The following TRMT11 variants were observed in gnomAD, a reference collection of about 807,000 sequenced individuals.
TRMT11 encodes the protein tRNA (guanine(10)-N(2))-methyltransferase TRMT11.
In TRMT11, 53 loss-of-function variants were observed where a neutral mutation model predicts 62.8. That is an observed-to-expected ratio of 0.84 (90% confidence interval 0.68 to 1.06). The LOEUF (loss-of-function observed/expected upper bound fraction) is 1.06, where lower values mean the gene tolerates loss of function less well. Ranked by LOEUF, TRMT11 falls within the 50% of genes least tolerant of loss-of-function variation. TRMT11 has a pLI of 0.00. For synonymous variants in TRMT11, 188 were observed against 190.3 expected, an observed-to-expected ratio of 0.99 and a Z score of 0.10; for missense variants, 556 against 553.4, an observed-to-expected ratio of 1.00 and a Z score of -0.05.
At chr6:126,260,187 C>T in the TRMT11 span, among the ~76,000 whole-genome samples, 32,373 of 152,016 alleles carry the variant, frequency 0.21, 4,444 homozygotes, top group East Asian at 0.53. Flanking sequence ...GTGAAGCTTT[C>T]TCCTTCCTCT....
chr6:126,101,818 C>A (rs1777405308), intron 17 of TRMT11, among the ~76,000 whole-genome samples: 1 of 152,214 alleles, frequency 6.6e-6, no homozygotes, highest in Admixed American at 6.5e-5. Flanking sequence ...TCCCTCCATA[C>A]CTTTCAACAT....
At chr6:126,121,180 A>G (rs1204068678) in intron 21 of TRMT11, among the ~76,000 whole-genome samples, 1 of 152,000 alleles carries the variant, frequency 6.6e-6, no homozygotes, top group Admixed American at 6.6e-5. Flanking sequence ...GCCTTACTCA[A>G]CTTTGTATTC....
intron 17 of TRMT11, among the ~76,000 whole-genome samples, chr6:126,108,829 A>C (rs1777494402): frequency 6.6e-6 from 1 of 152,174 alleles, no homozygotes; most frequent in Admixed American, 6.5e-5. Flanking sequence ...TTGGCTTCTC[A>C]GGTGCCTTGC....
At position 126,012,973 on chromosome 6, in the gene TRMT11, A is replaced by G; in HGVS notation, c.1011A>G (p.Pro337=). The change falls in exon 11 of 13, where the codon CCA becomes CCG. Residue 337 remains proline, a synonymous_variant. Transcript: ENST00000334379. ...AAATTTTCTTTTCTTTGTGTAGTCC[A>G]GAAAGCCATGTTCCTGTTTCCTTGA... ...PKGIEKWEKC[P]ESHVPVSLSY... The G allele has an allele frequency of 6.2e-7, 1 of 1,611,898 alleles. No homozygotes were observed. The highest frequency in any genetic ancestry group is 8.5e-7 in the Non-Finnish European group (1 of 1,178,726).
chr6:126,174,570 A>G (rs183039510), upstream of TRMT11, among the ~76,000 whole-genome samples: 6 of 152,250 alleles, frequency 3.9e-5, no homozygotes, highest in African/African-American at 4.8e-5. Context: ...CACAAAAAAC[A>G]AACAGAGGTG....
rs1562321373 is a variant in TRMT11, at chr6:126,093,612, TA to T, written c.*1438-19253del. On this transcript the variant is annotated intron_variant and NMD_transcript_variant, in intron 17 of 22. Coordinates refer to the TRMT11 transcript ENST00000648977. Reference sequence around the variant, plus strand: ...ATATATATATATATATATATATATATATATATATATATATATATATTTTCCC... The same window carrying T: ...ATATATATATATATATATATATATATTATATATATATATATATATTTTCCC... 2.7e-3 allele frequency among the ~76,000 whole-genome samples: 256 copies of T among 93,948 alleles called. 29 individuals are homozygous for T. Among genetic ancestry groups the T allele is most frequent in the African/African-American group, 0.016 (249 of 15,622 alleles). 61.6% of individuals were successfully genotyped at this position (93,948 alleles called of 152,430 possible). A position where few individuals can be genotyped will look rare whatever the true frequency, so the allele number is the denominator to read the frequency against.
chr6:126,077,103 T>G (rs1777045722), intron 17 of TRMT11, among the ~76,000 whole-genome samples: 1 of 152,174 alleles, frequency 6.6e-6, no homozygotes, highest in South Asian at 2.1e-4. Flanking sequence ...AACCCAACAC[T>G]TCACAAGAAA....
rs564426488 is a variant in TRMT11 at position 126,063,049 on chromosome 6, G to T, written c.*1437+9859G>T. Among the ~76,000 whole-genome samples the T allele has an allele frequency of 1.7e-3, 261 of 152,034 alleles. 1 individual carries two copies. Among genetic ancestry groups the T allele is most frequent in the African/African-American group, 6.1e-3 (253 of 41,482 alleles). ...TTTCATAATAGATAAATAATAAAGG[G>T]TATATATCATGTGATCACATTTTAT... On this transcript the variant is annotated intron_variant and NMD_transcript_variant, in intron 17 of 22. Transcript: ENST00000648977.
At chr6:126,001,409 A>G (rs1042212646) in intron 7 of TRMT11, among the ~76,000 whole-genome samples, 2 of 151,344 alleles carry the variant, frequency 1.3e-5, no homozygotes, top group Admixed American at 1.3e-4. Flanking sequence ...GGGTTGTTTG[A>G]TGTCTCCTCA....
At chr6:126,143,708 A>G (rs1327392900) in intron 21 of TRMT11, among the ~76,000 whole-genome samples, 3 of 152,218 alleles carry the variant, frequency 2.0e-5, no homozygotes, top group Non-Finnish European at 4.4e-5. Flanking sequence ...GAGAAATTTC[A>G]GCATGTTTTT....
At chr6:126,028,922 A>T (rs1265019293) in intron 12 of TRMT11, among the ~76,000 whole-genome samples, 1 of 152,176 alleles carries the variant, frequency 6.6e-6, no homozygotes, top group East Asian at 1.9e-4. Flanking sequence ...AAGCTATGCC[A>T]GTAAAACAGT....
At chr6:126,151,821 T>TA (rs746194861) in intron 21 of TRMT11, among the ~76,000 whole-genome samples, 2 of 125,396 alleles carry the variant, frequency 1.6e-5, no homozygotes, top group African/African-American at 3.1e-5. Context: ...TTTCTTTCTT[T>TA]CTTTCTTTCT....
intron 12 of TRMT11, 35 bp from the exon 13 acceptor site, chr6:126,038,670 A>G: frequency 1.3e-6 from 2 of 1,532,828 alleles, no homozygotes; most frequent in South Asian, 2.6e-5. Flanking sequence ...AACTAAAGAA[A>G]TAATTTTTAC....
chr6:126,131,854 A>T (rs761516716), intron 21 of TRMT11, among the ~76,000 whole-genome samples: 9 of 151,950 alleles, frequency 5.9e-5, no homozygotes, highest in Non-Finnish European at 1.2e-4. Flanking sequence ...TCTGATGAGT[A>T]TGATATAAAA....
At chr6:126,096,973 G>T (rs1777348045) in intron 17 of TRMT11, among the ~76,000 whole-genome samples, 1 of 152,138 alleles carries the variant, frequency 6.6e-6, no homozygotes, top group African/African-American at 2.4e-5. Context: ...TAAGCTTGGG[G>T]TTTATAACCA....
At chr6:126,178,202 C>T (rs1778411412) in intron 1 of TRMT11, among the ~76,000 whole-genome samples, 2 of 152,188 alleles carry the variant, frequency 1.3e-5, no homozygotes, top group Non-Finnish European at 2.9e-5. Context: ...GGATGCAACA[C>T]TCAGATCACC....
At chr6:126,129,678 G>A (rs746192640) in intron 21 of TRMT11, among the ~76,000 whole-genome samples, 18 of 151,828 alleles carry the variant, frequency 1.2e-4, no homozygotes, top group Admixed American at 4.6e-4. Context: ...ATGTGCTACC[G>A]TGACTGGATT....
intron 17 of TRMT11, among the ~76,000 whole-genome samples, chr6:126,096,684 C>G (rs909149611): frequency 6.6e-6 from 1 of 151,976 alleles, no homozygotes; most frequent in African/African-American, 2.4e-5. Context: ...CTTTGTATCC[C>G]CCGTAGTCCC....
chr6:126,021,311 T>C (rs1220543060), intron 12 of TRMT11, 31 bp downstream of exon 12: 1 of 1,606,988 alleles, frequency 6.2e-7, no homozygotes, highest in Non-Finnish European at 8.5e-7. Flanking sequence ...TGGGATAAAT[T>C]CTGAAAGAAT....
Sources: gnomAD v4.1 joint callset for allele counts (sites outside exome capture counted in the v4.1 genomes callset) on GRCh38, gnomAD v4.1.1 for gene constraint, MANE v1.5 for transcripts, NCBI Gene and HGNC (gene_info 2026-07-23, HGNC 2026-07-21) for gene names.